The following LRRK2 variants were observed in gnomAD, a reference collection of about 807,000 sequenced individuals.
LRRK2 encodes leucine rich repeat kinase 2.
In LRRK2, 203 loss-of-function variants were observed where a neutral mutation model predicts 302.6. The ratio of observed to expected loss-of-function variants is 0.67; its 90% confidence interval spans 0.60 to 0.75. The LOEUF (loss-of-function observed/expected upper bound fraction) is 0.75, where lower values mean the gene tolerates loss of function less well. LRRK2 is among the 30% of genes least tolerant of loss of function. The pLI is 0.00. For synonymous variants in LRRK2, 1,066 were observed against 1,031.9 expected (o/e 1.03, Z -0.63); for missense variants, 2,830 against 2,951.0 (o/e 0.96, Z 0.95).
intron 42 of LRRK2, among the ~76,000 whole-genome samples, chr12:40,348,108 T>C (rs1245782046): frequency 6.6e-6 from 1 of 152,226 alleles, no homozygotes; most frequent in Admixed American, 6.5e-5. Context: ...CTTTATTATA[T>C]GAGTAAAAGT....
Position 40,368,904 on chromosome 12 carries a change from C to A in LRRK2, c.*1139C>A, listed in dbSNP as rs905879940. 6.6e-6 allele frequency: 1 copy of A among 151,848 alleles called. No homozygotes were observed. The highest frequency in any genetic ancestry group is 1.5e-5 in the Non-Finnish European group (1 of 67,768). The allele number at this position is 151,848 out of a possible 1,614,324, so 9.4% of individuals were successfully genotyped here. A position where few individuals can be genotyped will look rare whatever the true frequency, so the allele number is the denominator to read the frequency against. ...AAATACCTATGTAATAATTTGAGGTCATTTCTGCTTTAGGAAAAGTACTTT... is the reference window on the plus strand; with the variant it reads ...AAATACCTATGTAATAATTTGAGGTAATTTCTGCTTTAGGAAAAGTACTTT... On this transcript the variant is annotated 3_prime_UTR_variant, in exon 51 of 51. Coordinates refer to ENST00000298910, the MANE Select transcript of LRRK2 (RefSeq NM_198578.4).
intron 43 of LRRK2, among the ~76,000 whole-genome samples, chr12:40,350,100 T>C (rs1351518785): frequency 6.6e-6 from 1 of 152,200 alleles, no homozygotes; most frequent in African/African-American, 2.4e-5. Context: ...TTTCCTTATA[T>C]ACCAATGAAG....
intron 31 of LRRK2, 40 bp downstream of exon 31, chr12:40,310,689 T>C (rs532351648): frequency 1.3e-6 from 2 of 1,590,772 alleles, no homozygotes; most frequent in Non-Finnish European, 1.7e-6. Flanking sequence ...ATTTATTGAT[T>C]CTCAACTGCC....
In LRRK2 at chr12:40,253,099, A is replaced by G. The variant is rs975565660; in HGVS notation, c.1288+83A>G. 1.3e-5 allele frequency: 11 copies of G among 830,806 alleles called. No homozygotes were observed. The African/African-American group carries it at 1.7e-4, about 13-fold the overall frequency. The allele number at this position is 830,806 out of a possible 1,614,324, so 51.5% of individuals were successfully genotyped here. On this transcript the variant is annotated intron_variant, in intron 11 of 50. Coordinates refer to ENST00000298910, the MANE Select transcript of LRRK2 (RefSeq NM_198578.4). ...TTATAGAAGCTATATACTGTGAAAA[A>G]TTTACATAATTTATAAAGCTATATA...
intron 3 of LRRK2, among the ~76,000 whole-genome samples, chr12:40,235,102 G>A (rs560537991): frequency 6.6e-6 from 1 of 152,170 alleles, no homozygotes; most frequent in South Asian, 2.1e-4. Flanking sequence ...TGTACATTGT[G>A]AATTATTCAC....
At position 40,368,758 on chromosome 12, in the gene LRRK2, T is replaced by G. The variant is rs1946952764; in HGVS notation, c.*993T>G. The G allele has an allele frequency of 6.6e-6, 1 of 151,538 alleles. No homozygotes were observed. Among genetic ancestry groups the G allele is most frequent in the South Asian group, 2.1e-4 (1 of 4,814 alleles). 9.4% of individuals were successfully genotyped at this position (151,538 alleles called of 1,614,324 possible). A position where few individuals can be genotyped will look rare whatever the true frequency, so the allele number is the denominator to read the frequency against. ...GACCATGAGGATAAATATCTAACAC[T>G]TTTCAGTTGCTGAAGGAGAAAGGAG... On this transcript the variant is annotated 3_prime_UTR_variant, in exon 51 of 51. Transcript: ENST00000298910.
intron 33 of LRRK2, among the ~76,000 whole-genome samples, chr12:40,316,705 G>T (rs2136864007): frequency 6.6e-6 from 1 of 152,096 alleles, no homozygotes; most frequent in African/African-American, 2.4e-5. Context: ...GATCTATTTG[G>T]CAATTTAAAG....
At chr12:40,247,546 A>T (rs1592156151) in intron 7 of LRRK2, among the ~76,000 whole-genome samples, 1 of 92,780 alleles carries the variant, frequency 1.1e-5, no homozygotes, top group Non-Finnish European at 2.6e-5. Flanking sequence ...AAATATACAT[A>T]TTTATACACA....
chr12:40,290,798 G>A lies in LRRK2; in HGVS notation c.2690-2747G>A, dbSNP rs376478329. On this transcript the variant is annotated intron_variant, in intron 20 of 50. Transcript: ENST00000298910. ...TCTATTGTTTGTGTTACTTTCTCAC[G>A]GACTTTTGTTCTTATCTTTATTGTT... Among the ~76,000 whole-genome samples the A allele has an allele frequency of 2.4e-4, 36 of 151,604 alleles. 4 individuals are homozygous for A. Among genetic ancestry groups the A allele is most frequent in the Admixed American group, 1.8e-3 (28 of 15,172 alleles).
In LRRK2 at chr12:40,305,819, C is replaced by T. The variant is rs2136793898; in HGVS notation, c.3812C>T (p.Thr1271Ile). ...GAGATTGGCTGTCTTGAAAATCTGA[C>T]ATCTCTGGATGTCAGTTACAACTTG... ...PPEIGCLENLTSLDVSYNLEL... is the reference protein window; with the variant it reads ...PPEIGCLENLISLDVSYNLEL... The change falls in exon 28 of 51, where the codon ACA becomes ATA. Residue 1271 changes from threonine to isoleucine, a missense_variant. Thr to Ile is a moderately conservative substitution (Grantham distance 89). This residue lies in a region of LRRK2 where 2,121 missense variants were observed against 2,148.0 expected (regional missense o/e 0.99). Transcript: ENST00000298910. 6.2e-7 allele frequency: 1 copy of T among 1,613,638 alleles called. No individual in the cohort carries two copies. Among genetic ancestry groups the T allele is most frequent in the East Asian group, 2.2e-5 (1 of 44,844 alleles).
In LRRK2 at chr12:40,240,543, C is replaced by T. The variant is rs112794616; in HGVS notation, c.632C>T (p.Ala211Val). ...ENKDYMILLS[A>V]LTNFKDEEEI... is the part of the protein sequence containing the mutation. ...AAAGATTATATGATATTGTTAAGTG[C>T]GTTAACAAATTTTAAAGATGAAGAG... Residue 211 changes from alanine (A) to valine (V), a missense_variant, in exon 6 of 51, where the codon GCG (alanine) becomes GTG (valine). Ala to Val is a moderately conservative substitution (Grantham distance 64). Coordinates refer to ENST00000298910, the MANE Select transcript of LRRK2 (RefSeq NM_198578.4). 151 of 1,612,120 alleles carry T rather than the reference C, an allele frequency of 9.4e-5. 1 individual carries two copies. Among genetic ancestry groups the T allele is most frequent in the East Asian group, 1.6e-4 (7 of 44,772 alleles).
At chr12:40,260,251 GC>G (rs1942710437) in intron 13 of LRRK2, among the ~76,000 whole-genome samples, 1 of 152,022 alleles carries the variant, frequency 6.6e-6, no homozygotes, top group African/African-American at 2.4e-5. Context: ...TATTATAGGA[GC>G]TTAGAGGTAG....
chr12:40,260,163 T>C (rs180839092), intron 13 of LRRK2, among the ~76,000 whole-genome samples: 1 of 152,088 alleles, frequency 6.6e-6, no homozygotes, highest in African/African-American at 2.4e-5. Context: ...AACACATTTA[T>C]TAAGTGCTTC....
At chr12:40,357,640 G>A (rs151288131) in intron 46 of LRRK2, among the ~76,000 whole-genome samples, 4 of 152,126 alleles carry the variant, frequency 2.6e-5, no homozygotes, top group South Asian at 2.1e-4. Flanking sequence ...CATTCTAATT[G>A]GGTGAAGAAG....
intron 32 of LRRK2, 146 bp from the exon 33 acceptor site, chr12:40,315,066 G>C (rs1744804407): frequency 2.8e-6 from 2 of 707,948 alleles, no homozygotes; most frequent in South Asian, 1.5e-5. Context: ...ACCATAGGAT[G>C]CACAGCTTCT....
chr12:40,355,744 A>G (rs1167142482), intron 45 of LRRK2, among the ~76,000 whole-genome samples: 1 of 151,928 alleles, frequency 6.6e-6, no homozygotes, highest in Non-Finnish European at 1.5e-5. Flanking sequence ...GGATTTCACC[A>G]TGTTAGCCAG....
At chr12:40,253,843 G>T (rs1463717) in intron 11 of LRRK2, among the ~76,000 whole-genome samples, 4,983 of 152,164 alleles carry the variant, frequency 0.033, 229 homozygotes, top group South Asian at 0.11. Flanking sequence ...CTTTATACAT[G>T]GTTCCTATTA....
At chr12:40,278,852 G>A (rs534110177) in intron 18 of LRRK2, among the ~76,000 whole-genome samples, 1 of 151,970 alleles carries the variant, frequency 6.6e-6, no homozygotes, top group Non-Finnish European at 1.5e-5. Flanking sequence ...TTTCTTTAAA[G>A]CCCTCCCCAT....
chr12:40,351,860 A>G, intron 44 of LRRK2, 127 bp downstream of exon 44: 2 of 965,036 alleles, frequency 2.1e-6, no homozygotes, highest in Non-Finnish European at 3.1e-6. Flanking sequence ...TTAGAACAAG[A>G]GTATTCAAGA....
Sources: allele counts gnomAD v4.1 joint callset (sites outside exome capture counted in the v4.1 genomes callset), GRCh38; gene constraint gnomAD v4.1.1; regional missense constraint gnomAD v4.1.1; transcripts MANE v1.5; gene names NCBI Gene and HGNC (gene_info 2026-07-23, HGNC 2026-07-21).